The following LOC400499 variants were observed in gnomAD, a reference collection of about 807,000 sequenced individuals.
the LOC400499 span, among the ~76,000 whole-genome samples, chr16:11,488,529 C>T: frequency 2.0e-4 from 30 of 152,286 alleles, no homozygotes; most frequent in African/African-American, 7.0e-4. Flanking sequence ...AAGCAATCCT[C>T]CTGCCTCAGC....
chr16:11,448,732 A>G, the LOC400499 span, among the ~76,000 whole-genome samples: 4 of 152,132 alleles, frequency 2.6e-5, no homozygotes. Context: ...CAAAAAATAT[A>G]TAAGAAAAGA....
the LOC400499 span, among the ~76,000 whole-genome samples, chr16:11,486,548 T>C: frequency 9.5e-6 from 1 of 105,632 alleles, no homozygotes; most frequent in Non-Finnish European, 1.9e-5. Context: ...GGTGGGTGGA[T>C]AGATGATGGG....
the LOC400499 span, among the ~76,000 whole-genome samples, chr16:11,459,688 G>A: frequency 6.6e-6 from 1 of 152,206 alleles, no homozygotes; most frequent in East Asian, 1.9e-4. Context: ...AAGCCCTCCT[G>A]CCAGTCCTTG....
chr16:11,460,813 G>T, the LOC400499 span: 1 of 1,187,446 alleles, frequency 8.4e-7, no homozygotes, highest in Non-Finnish European at 1.1e-6. Context: ...TTTTTAATGG[G>T]CAGGTATTCA....
At chr16:11,403,760 G>A in the LOC400499 span, among the ~76,000 whole-genome samples, 1 of 152,226 alleles carries the variant, frequency 6.6e-6, no homozygotes, top group African/African-American at 2.4e-5. Flanking sequence ...TTCCAGGGAT[G>A]CCTGTTTCTG....
chr16:11,443,827 G>A, the LOC400499 span, among the ~76,000 whole-genome samples: 3 of 140,492 alleles, frequency 2.1e-5, no homozygotes, highest in Middle Eastern at 0.011. Flanking sequence ...ACTCTTATCT[G>A]TAATCCCAAC....
the LOC400499 span, among the ~76,000 whole-genome samples, chr16:11,515,462 A>AATACATACATACGTACGTACATAC: frequency 1.3e-4 from 19 of 151,656 alleles, no homozygotes; most frequent in African/African-American, 2.4e-4. Flanking sequence ...CCTCTAAGGA[A>AATACATACATACGTACGTACATAC]ATACATACAT....
At chr16:11,387,183 C>G in the LOC400499 span, 2 of 1,232,272 alleles carry the variant, frequency 1.6e-6, no homozygotes, top group Non-Finnish European at 2.0e-6. Context: ...CCAGACAGCT[C>G]TCGGAGCGGC....
chr16:11,507,143 C>T, the LOC400499 span, among the ~76,000 whole-genome samples: 2 of 152,164 alleles, frequency 1.3e-5, no homozygotes, highest in East Asian at 1.9e-4. Flanking sequence ...CAGGGGTCCT[C>T]TTGGGGCCAA....
At chr16:11,386,468 C>T in the LOC400499 span, among the ~76,000 whole-genome samples, 143 of 152,358 alleles carry the variant, frequency 9.4e-4, no homozygotes, top group African/African-American at 3.2e-3. Flanking sequence ...TGACTGCGCC[C>T]ACGCTTCTAG....
chr16:11,524,206 TATCC>T, the LOC400499 span, among the ~76,000 whole-genome samples: 2 of 74,966 alleles, frequency 2.7e-5, no homozygotes, highest in Non-Finnish European at 4.9e-5. Context: ...TACCCTCTCC[TATCC>T]ATCCATCCAC....
the LOC400499 span, chr16:11,385,185 C>T: frequency 8.1e-7 from 1 of 1,231,638 alleles, no homozygotes; most frequent in Non-Finnish European, 1.0e-6. Flanking sequence ...CTCAGTCCTA[C>T]AGGCTGCCAT....
chr16:11,468,216 A>G, the LOC400499 span, among the ~76,000 whole-genome samples: 2 of 152,230 alleles, frequency 1.3e-5, no homozygotes, highest in Non-Finnish European at 2.9e-5. Context: ...GTACTTTGTT[A>G]AGGCAGCTCT....
the LOC400499 span, among the ~76,000 whole-genome samples, chr16:11,422,685 T>C: frequency 1.3e-5 from 2 of 152,006 alleles, no homozygotes; most frequent in African/African-American, 4.8e-5. Context: ...ATGCACAAAA[T>C]AGAAATGCCT....
At chr16:11,387,625 G>A in the LOC400499 span, among the ~76,000 whole-genome samples, 2 of 128,412 alleles carry the variant, frequency 1.6e-5, no homozygotes, top group Admixed American at 1.8e-4. Flanking sequence ...ACAGGAGCTG[G>A]AAGGTCTAGG....
the LOC400499 span, chr16:11,462,135 C>A: frequency 3.9e-4 from 590 of 1,514,660 alleles, 10 homozygotes; most frequent in Middle Eastern, 7.8e-3. Context: ...TTGGCCTGGT[C>A]ACTCAGCAGA....
chr16:11,422,297 T>G, the LOC400499 span, among the ~76,000 whole-genome samples: 1 of 151,982 alleles, frequency 6.6e-6, no homozygotes, highest in Non-Finnish European at 1.5e-5. Context: ...ACCTACCTGG[T>G]GGGCTGAGGC....
chr16:11,482,929 T>C, the LOC400499 span, among the ~76,000 whole-genome samples: 1 of 150,796 alleles, frequency 6.6e-6, no homozygotes, highest in Non-Finnish European at 1.5e-5. Context: ...ATCAACAACT[T>C]GTTTCTGGAG....
chr16:11,457,875 C>T, the LOC400499 span, among the ~76,000 whole-genome samples: 6 of 152,096 alleles, frequency 3.9e-5, no homozygotes, highest in Admixed American at 6.5e-5. Flanking sequence ...TATGGATGAA[C>T]CTTGAGGACA....
Sources: gnomAD v4.1 joint callset for allele counts (sites outside exome capture counted in the v4.1 genomes callset) on GRCh38, gnomAD v4.1.1 for gene constraint, MANE v1.5 for transcripts.